The following KDM2B variants were observed in gnomAD, a reference collection of about 807,000 sequenced individuals.
The protein encoded by KDM2B is lysine-specific demethylase 2B.
In KDM2B, 26 loss-of-function variants were observed where a neutral mutation model predicts 150.0. The ratio of observed to expected loss-of-function variants is 0.17; its 90% confidence interval spans 0.13 to 0.24. The LOEUF is 0.24. KDM2B is among the 10% of genes least tolerant of loss of function. KDM2B has a pLI of 1.00. For synonymous variants in KDM2B, 734 were observed against 729.5 expected (o/e 1.01, Z -0.10); for missense variants, 1,265 against 1,816.9 (o/e 0.70, Z 5.52).
chr12:121,442,315 C>T lies in KDM2B; in HGVS notation c.3126G>A (p.Val1042=). The T allele has an allele frequency of 1.2e-6, 2 of 1,607,224 alleles. No individual in the cohort carries two copies. The highest frequency in any genetic ancestry group is 1.7e-6 in the Non-Finnish European group (2 of 1,176,394). Residue 1042 remains valine, a synonymous_variant, in exon 19 of 23, where the codon GTG becomes GTA. Transcript: ENST00000377071. The surrounding 1 kb of genome is among the most constrained non-coding windows in gnomAD (Gnocchi z 7.7). ...GGGGGCTGATGGGGGGTGGCCGGAT[C>T]ACATGGCGCTCCATCTGGATACACT... ...PPKCIQMERH[V]IRPPPISPPP... is the part of the protein sequence containing the mutation.
At chr12:121,445,839 C>T (rs10744763) in intron 13 of KDM2B, among the ~76,000 whole-genome samples, 50,942 of 152,022 alleles carry the variant, frequency 0.34, 9,360 homozygotes, top group East Asian at 0.4. Context: ...GGGGCGTGAG[C>T]GCAGCCCAGA....
chr12:121,515,847 C>CT (rs1195092366), intron 9 of KDM2B, among the ~76,000 whole-genome samples: 1 of 152,140 alleles, frequency 6.6e-6, no homozygotes, highest in Non-Finnish European at 1.5e-5. Flanking sequence ...CCACCACATG[C>CT]TCTTCAGCCC....
chr12:121,408,613 T>C, the KDM2B span, among the ~76,000 whole-genome samples: 1 of 152,076 alleles, frequency 6.6e-6, no homozygotes, highest in Non-Finnish European at 1.5e-5. Flanking sequence ...TTTCTGAAAT[T>C]TATGAGAAAG....
chr12:121,548,276 T>C (rs1807058046), intron 6 of KDM2B, among the ~76,000 whole-genome samples: 1 of 151,662 alleles, frequency 6.6e-6, no homozygotes, highest in African/African-American at 2.4e-5. Flanking sequence ...CAGAAAAAAA[T>C]AAAAATAAAA....
In KDM2B at chr12:121,439,850, G is replaced by A. The variant is rs973482927; in HGVS notation, c.3829+7C>T. 2.5e-6 allele frequency: 4 copies of A among 1,613,216 alleles called. No individual in the cohort carries two copies. The Admixed American group carries it at 5.0e-5, about 20-fold the overall frequency. On this transcript the variant is annotated splice_region_variant and intron_variant, in intron 22 of 22. Transcript: ENST00000377071. ...TTAGGCAGACCCGATGGGGGCCCCT[G>A]ACTCACCAGACAGGTTGATCTCGGT...
intron 12 of KDM2B, among the ~76,000 whole-genome samples, chr12:121,483,036 G>A (rs565061747): frequency 2.0e-5 from 3 of 152,050 alleles, no homozygotes; most frequent in East Asian, 1.9e-4. Flanking sequence ...GGTGGGGGGC[G>A]CCTGTAATCC....
chr12:121,561,990 G>A (rs1338473993), intron 4 of KDM2B, among the ~76,000 whole-genome samples: 5 of 152,158 alleles, frequency 3.3e-5, no homozygotes, highest in Admixed American at 3.3e-4. Context: ...TGGCCAACAT[G>A]GCGAAACCCT....
intron 11 of KDM2B, among the ~76,000 whole-genome samples, chr12:121,500,305 T>TTC (rs1555301716): frequency 1.7e-4 from 26 of 151,884 alleles, no homozygotes; most frequent in African/African-American, 5.8e-4. Context: ...CCCCTAAGGG[T>TTC]TACACCTTAC....
intron 8 of KDM2B, among the ~76,000 whole-genome samples, chr12:121,532,360 T>A (rs1314489645): frequency 2.0e-5 from 3 of 152,174 alleles, no homozygotes; most frequent in Non-Finnish European, 4.4e-5. Context: ...TCAGCCCTCA[T>A]GACCACCCTG....
At chr12:121,557,069 C>T (rs997434477) in intron 4 of KDM2B, among the ~76,000 whole-genome samples, 7 of 151,964 alleles carry the variant, frequency 4.6e-5, no homozygotes, top group Admixed American at 6.6e-5. Context: ...AATTTGCTAA[C>T]GGTTTTGGCT....
At chr12:121,410,288 C>T in the KDM2B span, among the ~76,000 whole-genome samples, 33 of 152,098 alleles carry the variant, frequency 2.2e-4, no homozygotes, top group African/African-American at 7.5e-4. Flanking sequence ...CCTGTAATCC[C>T]AGCTCTTTGG....
chr12:121,411,296 CAA>C, the KDM2B span, among the ~76,000 whole-genome samples: 5 of 152,048 alleles, frequency 3.3e-5, no homozygotes, highest in Non-Finnish European at 2.9e-5. Flanking sequence ...TTCTGGGGAA[CAA>C]AGAGGAAATT....
At chr12:121,414,582 G>A in the KDM2B span, among the ~76,000 whole-genome samples, 3 of 152,218 alleles carry the variant, frequency 2.0e-5, no homozygotes, top group Admixed American at 1.3e-4. Context: ...TAGCCCTTAC[G>A]CCTTGGAAGG....
In KDM2B at chr12:121,453,392, G is replaced by A; in HGVS notation, c.1735-48C>T. On this transcript the variant is annotated intron_variant, in intron 12 of 22. Transcript: ENST00000377071. This position sits in a 1 kb window ranked among gnomAD's most constrained non-coding sequence, Gnocchi z 6.4. The stretch of plus-strand genomic sequence containing the variant: ...GGTCAGATGGGGAGACTGCAGGCAC[G>A]GCCAGACCCCCGGAAAGGGTGTTAG... 6.9e-7 allele frequency: 1 copy of A among 1,446,520 alleles called. No homozygotes were observed. The highest frequency in any genetic ancestry group is 1.4e-5 in the African/African-American group (1 of 70,980). 89.6% of individuals were successfully genotyped at this position (1,446,520 alleles called of 1,614,324 possible).
intron 6 of KDM2B, among the ~76,000 whole-genome samples, chr12:121,539,452 A>C (rs1555309372): frequency 6.6e-6 from 1 of 151,984 alleles, no homozygotes; most frequent in African/African-American, 2.4e-5. Context: ...TTTTAGTCAC[A>C]AATGCCTCAG....
the KDM2B span, chr12:121,418,002 A>ATCAGAAGTCATC: frequency 7.5e-7 from 1 of 1,330,400 alleles, no homozygotes; most frequent in African/African-American, 1.5e-5. Flanking sequence ...GACTTCTGAT[A>ATCAGAAGTCATC]AACTTCAAGT....
At chr12:121,426,942 A>C (rs1872538471), downstream of KDM2B, among the ~76,000 whole-genome samples, 1 of 152,012 alleles carries the variant, frequency 6.6e-6, no homozygotes, top group South Asian at 2.1e-4. Context: ...CTTTAAGTAA[A>C]TTTTTTAAAT....
chr12:121,580,343 G>A (rs1413262425), intron 1 of KDM2B: 1 of 967,630 alleles, frequency 1.0e-6, no homozygotes, highest in Non-Finnish European at 1.2e-6. Flanking sequence ...ATTTGGGGGG[G>A]CTCTCGGCCC....
At chr12:121,445,665 A>G (rs981985463) in intron 13 of KDM2B, among the ~76,000 whole-genome samples, 2 of 152,272 alleles carry the variant, frequency 1.3e-5, no homozygotes, top group Non-Finnish European at 2.9e-5. Flanking sequence ...TCTGCCATCC[A>G]GAGCTTACAT....
Sources: allele counts gnomAD v4.1 joint callset (sites outside exome capture counted in the v4.1 genomes callset), GRCh38; gene constraint gnomAD v4.1.1; non-coding constraint Gnocchi (gnomAD v3.1); transcripts MANE v1.5; gene names NCBI Gene and HGNC (gene_info 2026-07-23, HGNC 2026-07-21).